ARL8B: variants seen among roughly 807,000 people sequenced by gnomAD.
ARL8B encodes ADP-ribosylation factor-like protein 8B.
In ARL8B, 9 loss-of-function variants were observed where a neutral mutation model predicts 30.6. The observed-to-expected ratio is 0.29, with a 90% CI of 0.18 to 0.51. ARL8B has a LOEUF of 0.51. Ranked by LOEUF, ARL8B falls within the 20% of genes least tolerant of loss-of-function variation. ARL8B has a pLI of 0.97. For synonymous variants in ARL8B, 74 were observed against 76.0 expected, an observed-to-expected ratio of 0.97 and a Z score of 0.14; for missense variants, 130 against 227.2, an observed-to-expected ratio of 0.57 and a Z score of 2.75.
At chr3:5,157,379 C>T (rs1472607885) in intron 1 of ARL8B, among the ~76,000 whole-genome samples, 1 of 152,194 alleles carries the variant, frequency 6.6e-6, no homozygotes, top group Non-Finnish European at 1.5e-5. Flanking sequence ...CTCCCATCTC[C>T]CACTTCCTGG....
intron 1 of ARL8B, among the ~76,000 whole-genome samples, chr3:5,169,615 T>C (rs887840106): frequency 6.6e-6 from 1 of 151,966 alleles, no homozygotes; most frequent in Non-Finnish European, 1.5e-5. Context: ...GTGGTATCTC[T>C]TTGTGGGTTT....
chr3:5,137,720 G>T (rs143215857), intron 1 of ARL8B, among the ~76,000 whole-genome samples: 2 of 152,060 alleles, frequency 1.3e-5, no homozygotes, highest in African/African-American at 2.4e-5. Flanking sequence ...TTACAGGCGT[G>T]AGCCACCATG....
intron 1 of ARL8B, among the ~76,000 whole-genome samples, chr3:5,142,612 C>G (rs187768232): frequency 1.3e-5 from 2 of 152,110 alleles, no homozygotes; most frequent in Admixed American, 6.5e-5. Flanking sequence ...ATCCCTGCAC[C>G]CTGTCTCAAT....
intron 1 of ARL8B, among the ~76,000 whole-genome samples, chr3:5,166,271 C>G (rs1357634106): frequency 6.6e-6 from 1 of 151,698 alleles, no homozygotes; most frequent in Non-Finnish European, 1.5e-5. Flanking sequence ...ATTTCTTGAC[C>G]TCGTGATCCA....
At chr3:5,125,232 T>C (rs889997413) in intron 1 of ARL8B, among the ~76,000 whole-genome samples, 5 of 152,206 alleles carry the variant, frequency 3.3e-5, no homozygotes, top group African/African-American at 1.2e-4. Context: ...CTAGCACTCA[T>C]ACTGGCCCAC....
chr3:5,136,429 C>G (rs1466845531), intron 1 of ARL8B, among the ~76,000 whole-genome samples: 1 of 152,144 alleles, frequency 6.6e-6, no homozygotes, highest in Non-Finnish European at 1.5e-5. Flanking sequence ...TTTTACACAT[C>G]CTTTAGGGTC....
At chr3:5,124,204 TG>T (rs1229843112) in intron 1 of ARL8B, among the ~76,000 whole-genome samples, 11 of 151,362 alleles carry the variant, frequency 7.3e-5, no homozygotes, top group African/African-American at 2.4e-4. Context: ...GCGCTTGGAA[TG>T]ACTATCTTTC....
At chr3:5,141,840 G>C (rs1464563889) in intron 1 of ARL8B, among the ~76,000 whole-genome samples, 1 of 152,150 alleles carries the variant, frequency 6.6e-6, no homozygotes, top group Non-Finnish European at 1.5e-5. Context: ...CTTTGAGGGT[G>C]TCCTGAGTAT....
At chr3:5,137,016 T>C (rs2054332282) in intron 1 of ARL8B, among the ~76,000 whole-genome samples, 1 of 152,232 alleles carries the variant, frequency 6.6e-6, no homozygotes, top group Non-Finnish European at 1.5e-5. Flanking sequence ...TGAAGCAGTG[T>C]GCCTACTGCT....
At chr3:5,151,412 C>T (rs1031022836) in intron 1 of ARL8B, among the ~76,000 whole-genome samples, 1 of 152,126 alleles carries the variant, frequency 6.6e-6, no homozygotes, top group Non-Finnish European at 1.5e-5. Flanking sequence ...CACTGCCCTC[C>T]AGCCTGGGCG....
intron 1 of ARL8B, among the ~76,000 whole-genome samples, chr3:5,167,093 C>G (rs181403405): frequency 5.9e-5 from 9 of 152,152 alleles, no homozygotes; most frequent in Non-Finnish European, 1.0e-4. Context: ...ATAAGATTCC[C>G]TGACTTTGAG....
chr3:5,140,831 A>G (rs903211818), intron 1 of ARL8B, among the ~76,000 whole-genome samples: 1 of 152,192 alleles, frequency 6.6e-6, no homozygotes, highest in Admixed American at 6.5e-5. Flanking sequence ...CCTGTGAGAA[A>G]CACTCATTTA....
intron 4 of ARL8B, among the ~76,000 whole-genome samples, chr3:5,173,611 T>A (rs915767916): frequency 7.9e-5 from 12 of 151,934 alleles, no homozygotes; most frequent in African/African-American, 2.2e-4. Context: ...GCGCCTGTAG[T>A]CCCAGCTACG....
At chr3:5,175,559 A>G (rs2054722354) in intron 6 of ARL8B, among the ~76,000 whole-genome samples, 1 of 152,224 alleles carries the variant, frequency 6.6e-6, no homozygotes, top group African/African-American at 2.4e-5. Context: ...CCCTTCATTT[A>G]CTCAATGCCC....
intron 6 of ARL8B, among the ~76,000 whole-genome samples, chr3:5,178,323 C>T (rs570204238): frequency 2.0e-5 from 3 of 150,658 alleles, no homozygotes; most frequent in East Asian, 1.9e-4. Flanking sequence ...TACTTAAAAG[C>T]GCCTTGAGGG....
rs1246201602 is a variant in ARL8B at position 5,179,746 on chromosome 3, A to C, written c.*1033A>C. 2 of 152,518 alleles carry C rather than the reference A, an allele frequency of 1.3e-5. No individual in the cohort carries two copies. The highest frequency in any genetic ancestry group is 4.8e-5 in the African/African-American group (2 of 41,452). The allele number at this position is 152,518 out of a possible 1,614,324, so 9.4% of individuals were successfully genotyped here. A position where few individuals can be genotyped will look rare whatever the true frequency, so the allele number is the denominator to read the frequency against. On this transcript the variant is annotated 3_prime_UTR_variant, in exon 7 of 7. Transcript: ENST00000256496. ...TTTATTTTTCTCTCTTACTGATGTA[A>C]GCTTTGGCACTCTTTTGACTGGTGC... is the stretch of plus-strand genomic sequence containing the variant.
intron 2 of ARL8B, among the ~76,000 whole-genome samples, chr3:5,171,229 T>G (rs568566761): frequency 6.6e-6 from 1 of 152,318 alleles, no homozygotes; most frequent in East Asian, 1.9e-4. Flanking sequence ...GGAAGCCTCT[T>G]GAAGATTAAT....
intron 1 of ARL8B, among the ~76,000 whole-genome samples, chr3:5,138,897 C>G (rs2054349520): frequency 6.6e-6 from 1 of 152,122 alleles, no homozygotes; most frequent in Non-Finnish European, 1.5e-5. Flanking sequence ...CAGTAATACC[C>G]AGAGAGAGCT....
intron 1 of ARL8B, among the ~76,000 whole-genome samples, chr3:5,165,443 CCT>C (rs2054615641): frequency 6.6e-6 from 1 of 152,186 alleles, no homozygotes; most frequent in African/African-American, 2.4e-5. Flanking sequence ...TTGGTCATAT[CCT>C]CTCGTTTGCC....
Sources: gnomAD v4.1 joint callset for allele counts (sites outside exome capture counted in the v4.1 genomes callset) on GRCh38, gnomAD v4.1.1 for gene constraint, MANE v1.5 for transcripts, NCBI Gene and HGNC (gene_info 2026-07-23, HGNC 2026-07-21) for gene names.